The following SLC25A23 variants were observed in gnomAD, a reference collection of about 807,000 sequenced individuals.
SLC25A23 encodes solute carrier family 25 member 23.
SLC25A23 carries 32 observed loss-of-function variants against 53.9 expected under a neutral mutation model. The ratio of observed to expected loss-of-function variants is 0.59; its 90% CI spans 0.45 to 0.80. The LOEUF is 0.80. Among genes scored for constraint, SLC25A23 ranks in the 30% least tolerant of loss-of-function variants. The pLI, the probability that SLC25A23 is intolerant of heterozygous loss-of-function variation, is 0.00. For missense variants in SLC25A23, 575 were observed against 651.4 expected (o/e 0.88, Z 1.28); for synonymous variants, 275 against 264.5 (o/e 1.04, Z -0.38).
intron 4 of SLC25A23, among the ~76,000 whole-genome samples, chr19:6,455,289 C>T (rs2092662356): frequency 6.6e-6 from 1 of 152,080 alleles, no homozygotes; most frequent in South Asian, 2.1e-4. Context: ...AAAAAAAGAT[C>T]CCTCAGGGCA....
At chr19:6,458,391 C>A in intron 1 of SLC25A23, 67 bp from the exon 2 acceptor site, 2 of 1,538,410 alleles carry the variant, frequency 1.3e-6, no homozygotes, top group East Asian at 2.3e-5. Flanking sequence ...GGACGCATGT[C>A]ACCTTATGCC....
At position 6,453,622 on chromosome 19, in the gene SLC25A23, C is replaced by T. The variant is rs1180676771; in HGVS notation, c.903+359G>A. 2.0e-5 allele frequency among the ~76,000 whole-genome samples: 3 copies of T among 152,154 alleles called. No homozygotes were observed. The South Asian group carries it at 6.2e-4, about 31-fold the overall frequency. On this transcript the variant is annotated intron_variant, in intron 7 of 9. Coordinates refer to ENST00000301454, the MANE Select transcript of SLC25A23 (RefSeq NM_024103.3). ...AAACCTGAAATAATTTATCTGAAAA[C>T]ATGTAGCTAGCACAGTCTATCCTTA... is the stretch of plus-strand genomic sequence containing the variant.
intron 9 of SLC25A23, 106 bp from the exon 10 acceptor site, chr19:6,442,265 G>T: frequency 1.3e-6 from 1 of 753,022 alleles, no homozygotes; most frequent in Middle Eastern, 3.8e-4. Context: ...CAGGAGGGAA[G>T]GAGGTTAGAC....
At chr19:6,445,520 G>C (rs1460796190) in intron 8 of SLC25A23, among the ~76,000 whole-genome samples, 1 of 152,186 alleles carries the variant, frequency 6.6e-6, no homozygotes, top group Non-Finnish European at 1.5e-5. Flanking sequence ...GGGACCACAA[G>C]CCAAGGAGTG....
chr19:6,457,067 T>C (rs942582217), intron 3 of SLC25A23, among the ~76,000 whole-genome samples: 2 of 46,374 alleles, frequency 4.3e-5, no homozygotes, highest in Non-Finnish European at 1.0e-4. Context: ...TTTTCTTTCT[T>C]TTTTTTTTTT....
At chr19:6,443,682 A>G (rs2092460214) in intron 9 of SLC25A23, 1 of 693,430 alleles carries the variant, frequency 1.4e-6, no homozygotes. Flanking sequence ...CAAAACACAA[A>G]CACTAAAATT....
At position 6,442,005 on chromosome 19, in the gene SLC25A23, C is replaced by G; in HGVS notation, c.1377G>C (p.Met459Ile). The change falls in exon 10 of 10, where the codon ATG becomes ATC. Residue 459 changes from methionine to isoleucine, a missense_variant. Met to Ile is a conservative substitution (Grantham distance 10). Transcript: ENST00000301454. Reference sequence around the variant, plus strand: ...TGGACGTGACCCCCAAGGCCTGCTTCATGTTCTCGTAGACCACATAGGAGA... The same window carrying G: ...TGGACGTGACCCCCAAGGCCTGCTTGATGTTCTCGTAGACCACATAGGAGA... Reference protein sequence around the residue: ...VSISYVVYENMKQALGVTSR With the variant: ...VSISYVVYENIKQALGVTSR 6.2e-7 allele frequency: 1 copy of G among 1,613,918 alleles called. No individual in the cohort carries two copies. The highest frequency in any genetic ancestry group is 1.1e-5 in the South Asian group (1 of 91,068).
chr19:6,442,352 T>A (rs1568361197), intron 9 of SLC25A23, among the ~76,000 whole-genome samples, 193 bp from the exon 10 acceptor site: 1 of 152,106 alleles, frequency 6.6e-6, no homozygotes, highest in Non-Finnish European at 1.5e-5. Context: ...CGCCCCAAGT[T>A]TGGGGACAAT....
At chr19:6,445,683 T>A (rs2092492699) in intron 8 of SLC25A23, among the ~76,000 whole-genome samples, 1 of 152,156 alleles carries the variant, frequency 6.6e-6, no homozygotes, top group Non-Finnish European at 1.5e-5. Context: ...AGGATATACA[T>A]TCGTGTTGTT....
At chr19:6,436,278 T>C (rs1487116766), downstream of SLC25A23, 1 of 368,398 alleles carries the variant, frequency 2.7e-6, no homozygotes, top group African/African-American at 2.1e-5. Flanking sequence ...ATTCAGGTAC[T>C]GGGATCCAGT....
At position 6,440,348 on chromosome 19, in the gene SLC25A23, G is replaced by GT. The variant is rs200394701; in HGVS notation, c.*1626dup. On this transcript the variant is annotated 3_prime_UTR_variant, in exon 10 of 10. Coordinates refer to ENST00000301454, the MANE Select transcript of SLC25A23 (RefSeq NM_024103.3). ...CTGGAATGAATTTGGGGATTTGGTGGTTTTTTTTTGTTTTTGTTTTTTGCA... is the reference window on the plus strand; with the variant it reads ...CTGGAATGAATTTGGGGATTTGGTGGTTTTTTTTTTGTTTTTGTTTTTTGCA... 0.014 allele frequency: 2,069 copies of GT among 151,944 alleles called. 43 individuals carry two copies. The highest frequency in any genetic ancestry group is 0.047 in the African/African-American group (1,961 of 41,298). 9.4% of individuals were successfully genotyped at this position (151,944 alleles called of 1,614,324 possible). A position where few individuals can be genotyped will look rare whatever the true frequency, so the allele number is the denominator to read the frequency against.
At chr19:6,457,462 T>G in intron 3 of SLC25A23, 41 bp downstream of exon 3, 1 of 1,559,930 alleles carries the variant, frequency 6.4e-7, no homozygotes, top group Non-Finnish European at 8.8e-7. Flanking sequence ...GGGGTCACTG[T>G]GTCCTGAGTT....
In SLC25A23 at chr19:6,459,651, G is replaced by A; in HGVS notation, c.-23C>T. The A allele has an allele frequency of 2.2e-6, 3 of 1,361,474 alleles. No individual in the cohort carries two copies. Among genetic ancestry groups the A allele is most frequent in the South Asian group, 1.8e-5 (1 of 54,212 alleles). 84.3% of individuals were successfully genotyped at this position (1,361,474 alleles called of 1,614,324 possible). Reference sequence around the variant, plus strand: ...CATGGCGCCCGCCCGGGGGGGAGGGGAGGCCCGGCAGCGGCGGCCTCAGTG... The same window carrying A: ...CATGGCGCCCGCCCGGGGGGGAGGGAAGGCCCGGCAGCGGCGGCCTCAGTG... On this transcript the variant is annotated 5_prime_UTR_variant, in exon 1 of 10. Coordinates refer to ENST00000301454, the MANE Select transcript of SLC25A23 (RefSeq NM_024103.3). This position sits in a 1 kb window ranked among gnomAD's most constrained non-coding sequence, Gnocchi z 4.6.
intron 9 of SLC25A23, among the ~76,000 whole-genome samples, chr19:6,443,301 T>C (rs918938502): frequency 1.3e-5 from 2 of 152,012 alleles, no homozygotes; most frequent in African/African-American, 2.4e-5. Flanking sequence ...GGTGGCATAA[T>C]CATAGCTCAC....
downstream of SLC25A23, chr19:6,436,499 G>A (rs1301738191): frequency 2.2e-6 from 1 of 447,840 alleles, no homozygotes; most frequent in East Asian, 7.1e-5. Context: ...GAAAGGGGGA[G>A]AGAGAGAGAG....
chr19:6,458,157 C>G lies in SLC25A23; in HGVS notation c.283+41G>C, dbSNP rs200672840. 852 of 1,607,082 alleles carry G rather than the reference C, an allele frequency of 5.3e-4. 8 individuals are homozygous for G. Among genetic ancestry groups the G allele is most frequent in the Middle Eastern group, 1.5e-3 (9 of 5,832 alleles). On this transcript the variant is annotated intron_variant, in intron 2 of 9. Transcript: ENST00000301454. ...ACTGATGTCTCTAGGGCCCCCACAG[C>G]CCTATCCCTTGGGGCCTGCAGGCAG... is the stretch of plus-strand genomic sequence containing the variant.
At chr19:6,449,754 G>A (rs1201790260) in intron 8 of SLC25A23, among the ~76,000 whole-genome samples, 2 of 149,662 alleles carry the variant, frequency 1.3e-5, no homozygotes, top group African/African-American at 5.0e-5. Flanking sequence ...GACTGGTCTC[G>A]AACTCCTGGG....
At chr19:6,444,895 C>T (rs2092480273) in intron 8 of SLC25A23, among the ~76,000 whole-genome samples, 2 of 152,230 alleles carry the variant, frequency 1.3e-5, no homozygotes, top group East Asian at 1.9e-4. Flanking sequence ...TCTCAATCTC[C>T]TGACCTTGTG....
intron 1 of SLC25A23, among the ~76,000 whole-genome samples, chr19:6,458,964 G>T (rs192821338): frequency 3.7e-4 from 56 of 152,144 alleles, no homozygotes; most frequent in African/African-American, 1.3e-3. Context: ...TCCCAGCTGC[G>T]GGTGACCGCA....
Sources: gnomAD v4.1 joint callset for allele counts (sites outside exome capture counted in the v4.1 genomes callset) on GRCh38, gnomAD v4.1.1 for gene constraint, Gnocchi (gnomAD v3.1) non-coding constraint, MANE v1.5 for transcripts, NCBI Gene and HGNC (gene_info 2026-07-23, HGNC 2026-07-21) for gene names.